The following FAM120B variants were observed in gnomAD, a reference collection of about 807,000 sequenced individuals.
FAM120B encodes the protein constitutive coactivator of peroxisome proliferator-activated receptor gamma.
Under a neutral mutation model 96.3 loss-of-function variants are expected in FAM120B, and 83 were observed. That is an observed-to-expected ratio of 0.86 (90% confidence interval 0.72 to 1.03). FAM120B has a LOEUF of 1.03. Among genes scored for constraint, FAM120B ranks in the 50% least tolerant of loss-of-function variants. The pLI is 0.00. For missense variants in FAM120B, 1,027 were observed against 1,121.2 expected (o/e 0.92, Z 1.20); for synonymous variants, 407 against 402.7 (o/e 1.01, Z -0.13).
upstream of FAM120B, among the ~76,000 whole-genome samples, chr6:170,306,284 C>A (rs944749000): frequency 6.6e-6 from 1 of 152,098 alleles, no homozygotes; most frequent in Non-Finnish European, 1.5e-5. Context: ...CGCGGCGGGT[C>A]CCCTGTGCAG....
At chr6:170,304,428 T>G (rs1239364193), upstream of FAM120B, among the ~76,000 whole-genome samples, 2 of 152,236 alleles carry the variant, frequency 1.3e-5, no homozygotes, top group Non-Finnish European at 1.5e-5. Flanking sequence ...AGGTTTGTTG[T>G]GCTGGGCACC....
chr6:170,348,549 A>G (rs1302661481), intron 5 of FAM120B, among the ~76,000 whole-genome samples: 1 of 152,202 alleles, frequency 6.6e-6, no homozygotes, highest in Non-Finnish European at 1.5e-5. Flanking sequence ...TGTATTAGAG[A>G]CTTAGGAAAT....
chr6:170,323,056 A>C (rs1162759844), intron 2 of FAM120B, 23 bp from the exon 3 acceptor site: 1 of 1,585,474 alleles, frequency 6.3e-7, no homozygotes, highest in Non-Finnish European at 8.6e-7. Flanking sequence ...GGAGAAATTC[A>C]GTTGTATTTA....
Position 170,295,325 on chromosome 6 carries a change from G to T in FAM120B, c.-81G>T. 1.4e-6 allele frequency: 1 copy of T among 695,404 alleles called. No homozygotes were observed. Among genetic ancestry groups the T allele is most frequent in the Non-Finnish European group, 2.6e-6 (1 of 381,480 alleles). 43.1% of individuals were successfully genotyped at this position (695,404 alleles called of 1,614,324 possible). On this transcript the variant is annotated 5_prime_UTR_variant, in exon 1 of 11. Transcript: ENST00000537664. This position sits in a 1 kb window ranked among gnomAD's most constrained non-coding sequence, Gnocchi z 7.8. The stretch of plus-strand genomic sequence containing the variant: ...TGGGTGCACAGATGTGTTCACACTC[G>T]GTTGCCGCGCGTGGACTTACAAGCC...
intron 5 of FAM120B, among the ~76,000 whole-genome samples, chr6:170,354,922 C>CT (rs1351143330): frequency 6.6e-6 from 1 of 152,032 alleles, no homozygotes; most frequent in Non-Finnish European, 1.5e-5. Context: ...GAGTGAGACT[C>CT]TATCTCAAAA....
upstream of FAM120B, chr6:170,290,924 G>A (rs1233633411): frequency 2.2e-5 from 15 of 697,320 alleles, no homozygotes; most frequent in Middle Eastern, 2.8e-4. The surrounding 1 kb of genome is among the most constrained non-coding windows in gnomAD (Gnocchi z 4.7). Context: ...GCGCGCAGAG[G>A]ATCTGGCTCT....
chr6:170,338,844 C>CTTTTTTTTTTT (rs61188907), intron 4 of FAM120B, among the ~76,000 whole-genome samples: 5 of 85,414 alleles, frequency 5.9e-5, no homozygotes, highest in Non-Finnish European at 1.1e-4. Context: ...TTGCAACCTG[C>CTTTTTTTTTTT]TTTTTTTTTT....
rs563152644 is a variant in FAM120B, at chr6:170,386,437, A to T, written c.2284-1850A>T. On this transcript the variant is annotated intron_variant, in intron 6 of 10. Transcript: ENST00000476287. ...TAATGCAGACTAAAGAGATGAGGGA[A>T]TATTTATACCAATACATTTGAAACT... is the stretch of plus-strand genomic sequence containing the variant. 1.1e-4 allele frequency among the ~76,000 whole-genome samples: 16 copies of T among 152,350 alleles called. No individual in the cohort carries two copies. The South Asian group carries it at 3.3e-3, about 32-fold the overall frequency.
intron 6 of FAM120B, among the ~76,000 whole-genome samples, chr6:170,361,549 T>G (rs1230185614): frequency 6.6e-6 from 1 of 152,054 alleles, no homozygotes; most frequent in East Asian, 1.9e-4. Flanking sequence ...GACAGGCCTG[T>G]GAGCAGAAAT....
rs138554952 is a variant in FAM120B at position 170,389,171 on chromosome 6, A to G, written c.2490+678A>G. On this transcript the variant is annotated intron_variant, in intron 7 of 10. Coordinates refer to ENST00000476287, the MANE Select transcript of FAM120B (RefSeq NM_032448.3). ...CCCATGTTGTTCAAGGGTCAGCTGT[A>G]CATACATAATGAGATATCTTGGGGC... Among the ~76,000 whole-genome samples, 353 of 152,328 alleles carry G rather than the reference A, an allele frequency of 2.3e-3. 4 individuals carry two copies. Among genetic ancestry groups the G allele is most frequent in the East Asian group, 0.012 (61 of 5,180 alleles).
rs569659341 is a variant in FAM120B, at chr6:170,398,037, G to C, written c.2692+2458G>C. 3.3e-5 allele frequency among the ~76,000 whole-genome samples: 5 copies of C among 152,362 alleles called. No homozygotes were observed. In the South Asian group the frequency reaches 1.0e-3, roughly 32 times the overall value. ...GCCTCAGGAAGGTGGAGAGGGGATA[G>C]TCAAGAGAGTCCACAGTCCAGATGG... On this transcript the variant is annotated intron_variant, in intron 9 of 10. Transcript: ENST00000476287.
upstream of FAM120B, among the ~76,000 whole-genome samples, chr6:170,306,059 C>T (rs1407900780): frequency 6.6e-6 from 1 of 152,232 alleles, no homozygotes; most frequent in Non-Finnish European, 1.5e-5. Flanking sequence ...TGCCTTTCCT[C>T]TCTCTCCTTG....
intron 9 of FAM120B, among the ~76,000 whole-genome samples, chr6:170,398,770 C>T (rs1194528909): frequency 3.4e-5 from 4 of 117,364 alleles, no homozygotes; most frequent in South Asian, 2.7e-4. Context: ...ACGTCATAAG[C>T]CTTAGGAGTG....
At chr6:170,297,437 C>T (rs1351437786) in intron 1 of FAM120B, among the ~76,000 whole-genome samples, 1 of 152,222 alleles carries the variant, frequency 6.6e-6, no homozygotes, top group African/African-American at 2.4e-5. Context: ...AATGAGCGGC[C>T]TTTGTGTGCA....
rs1487162205 is a variant in FAM120B at position 170,391,101 on chromosome 6, A to C, written c.2579A>C (p.His860Pro). 1 of 1,613,756 alleles carries C rather than the reference A, an allele frequency of 6.2e-7. No homozygotes were observed. The highest frequency in any genetic ancestry group is 1.1e-5 in the South Asian group (1 of 91,052). ...AACAGACGCATCACTGGCCGAGCCC[A>C]CTGGGGCTCACACCACGCAGGTGGG... The part of the protein sequence containing the change: ...KENRRITGRA[H>P]WGSHHAGRWG... Residue 860 changes from histidine (H) to proline (P), a missense_variant, in exon 8 of 11, where the codon CAC (histidine) becomes CCC (proline). Coordinates refer to ENST00000476287, the MANE Select transcript of FAM120B (RefSeq NM_032448.3).
chr6:170,328,163 C>T (rs141090434), intron 3 of FAM120B, among the ~76,000 whole-genome samples: 1 of 150,974 alleles, frequency 6.6e-6, no homozygotes, highest in African/African-American at 2.4e-5. Context: ...ACACATTATA[C>T]AACTGGACAA....
intron 7 of FAM120B, among the ~76,000 whole-genome samples, chr6:170,389,379 A>T (rs1369745706): frequency 2.6e-5 from 4 of 152,172 alleles, no homozygotes; most frequent in Non-Finnish European, 5.9e-5. Context: ...GGATTTTCAG[A>T]TTAGGAGTGC....
At chr6:170,377,792 T>C (rs34430936) in intron 6 of FAM120B, among the ~76,000 whole-genome samples, 14,927 of 84,470 alleles carry the variant, frequency 0.18, 2,697 homozygotes, top group East Asian at 0.78. Context: ...TAATCCCAGA[T>C]GCCTGGGAGA....
chr6:170,325,157 TA>T (rs1169454549), intron 3 of FAM120B, among the ~76,000 whole-genome samples: 1 of 152,242 alleles, frequency 6.6e-6, no homozygotes, highest in Non-Finnish European at 1.5e-5. Flanking sequence ...TCGACCCTTT[TA>T]ACAGGAGAGT....
Sources: gnomAD v4.1 joint callset for allele counts (sites outside exome capture counted in the v4.1 genomes callset) on GRCh38, gnomAD v4.1.1 for gene constraint, Gnocchi (gnomAD v3.1) non-coding constraint, MANE v1.5 for transcripts, NCBI Gene and HGNC (gene_info 2026-07-23, HGNC 2026-07-21) for gene names.